Variants in TWIST2 observed in about 807,000 individuals in gnomAD.
TWIST2 encodes twist-related protein 2.
A neutral mutation model predicts 11.6 loss-of-function variants in TWIST2; 1 was observed. The ratio of observed to expected loss-of-function variants is 0.09; its 90% confidence interval spans 0.03 to 0.41. The LOEUF is 0.41. Among genes scored for constraint, TWIST2 ranks in the 10% least tolerant of loss-of-function variants. The pLI, the probability that TWIST2 is intolerant of heterozygous loss-of-function variation, is 0.98. For synonymous variants in TWIST2, 87 were observed against 96.6 expected (o/e 0.90, Z 0.58); for missense variants, 168 against 226.4 (o/e 0.74, Z 1.66).
chr2:238,905,934 C>T lies in TWIST2; in HGVS notation c.*36-3908C>T, dbSNP rs1426542961. Among the ~76,000 whole-genome samples the T allele has an allele frequency of 7.8e-3, 809 of 103,302 alleles. 10 individuals are homozygous for T. The highest frequency in any genetic ancestry group is 0.028 in the African/African-American group (750 of 26,904). 67.8% of individuals were successfully genotyped at this position (103,302 alleles called of 152,430 possible). On this transcript the variant is annotated intron_variant, in intron 1 of 1. Transcript: ENST00000612363. ...GTGTGCGTGCAGGTGTGCGTGTGCG[C>T]GTGTGTGTGCGCGCGCGTGTGTACG... is the stretch of plus-strand genomic sequence containing the variant.
At chr2:238,868,950 A>T (rs1428246604) in intron 1 of TWIST2, among the ~76,000 whole-genome samples, 1 of 152,194 alleles carries the variant, frequency 6.6e-6, no homozygotes, top group Admixed American at 6.5e-5. Flanking sequence ...TTCATCTCAG[A>T]GGGGTCAGTT....
chr2:238,904,171 G>A (rs1693312061), intron 1 of TWIST2, among the ~76,000 whole-genome samples: 1 of 142,512 alleles, frequency 7.0e-6, no homozygotes, highest in African/African-American at 2.6e-5. Context: ...TGTGTGTGAT[G>A]TGAGGTGTGT....
intron 1 of TWIST2, among the ~76,000 whole-genome samples, chr2:238,872,517 C>T (rs139366227): frequency 8.0e-4 from 122 of 152,240 alleles, no homozygotes; most frequent in African/African-American, 2.8e-3. Flanking sequence ...ACATTTTGGC[C>T]AACGCTGTGC....
Position 238,907,836 on chromosome 2 carries a change from A to C in TWIST2, c.*36-2006A>C, listed in dbSNP as rs1466710472. Among the ~76,000 whole-genome samples, 6 of 2,962 alleles carry C rather than the reference A, an allele frequency of 2.0e-3. No individual in the cohort carries two copies. In the East Asian group the frequency reaches 0.062, roughly 31 times the overall value. The allele number at this position is 2,962 out of a possible 152,430, so 1.9% of individuals were successfully genotyped here. On this transcript the variant is annotated intron_variant, in intron 1 of 1. Coordinates refer to ENST00000612363, the MANE Select transcript of TWIST2 (RefSeq NM_001271893.4). ...GCCACACAAATATACCACACACTAC[A>C]CACACACCCCCACACTGTACATACA...
At chr2:238,874,414 C>G (rs1018990887) in intron 1 of TWIST2, among the ~76,000 whole-genome samples, 1 of 152,124 alleles carries the variant, frequency 6.6e-6, no homozygotes, top group Admixed American at 6.5e-5. Context: ...TTACTTAAGG[C>G]TCTTCTTTTG....
chr2:238,883,913 T>C (rs1692985140), intron 1 of TWIST2, among the ~76,000 whole-genome samples: 1 of 152,160 alleles, frequency 6.6e-6, no homozygotes, highest in South Asian at 2.1e-4. Flanking sequence ...AGTCGCTGGG[T>C]GAAGCCGGAG....
chr2:238,900,717 G>C (rs1237554123), intron 1 of TWIST2, among the ~76,000 whole-genome samples: 1 of 152,164 alleles, frequency 6.6e-6, no homozygotes, highest in Admixed American at 6.5e-5. Context: ...GTCACTGAGT[G>C]GGGGTGGTGA....
chr2:238,860,171 T>C (rs1412565777), intron 1 of TWIST2, among the ~76,000 whole-genome samples: 1 of 152,116 alleles, frequency 6.6e-6, no homozygotes, highest in Non-Finnish European at 1.5e-5. Context: ...CCTCAAGGGG[T>C]TGGTGCCACC....
At chr2:238,862,603 A>G (rs1692454494) in intron 1 of TWIST2, among the ~76,000 whole-genome samples, 1 of 152,230 alleles carries the variant, frequency 6.6e-6, no homozygotes, top group African/African-American at 2.4e-5. Flanking sequence ...GCCAGAGGGA[A>G]GAAAAGCTGC....
chr2:238,864,512 G>T lies in TWIST2; in HGVS notation c.*35+15779G>T, dbSNP rs1374956182. Among the ~76,000 whole-genome samples, 8 of 151,784 alleles carry T rather than the reference G, an allele frequency of 5.3e-5. No homozygotes were observed. Among genetic ancestry groups the T allele is most frequent in the African/African-American group, 1.9e-4 (8 of 41,406 alleles). ...GGAGCAGAGTGCAGGGTTGGAGGCG[G>T]CTCCCAGTTCCAAGGCGCGCCCCAC... On this transcript the variant is annotated intron_variant, in intron 1 of 1. Coordinates refer to ENST00000612363, the MANE Select transcript of TWIST2 (RefSeq NM_001271893.4). This position sits in a 1 kb window ranked among gnomAD's most constrained non-coding sequence, Gnocchi z 4.7.
At chr2:238,861,457 C>T (rs1173065108) in intron 1 of TWIST2, among the ~76,000 whole-genome samples, 1 of 151,980 alleles carries the variant, frequency 6.6e-6, no homozygotes, top group Non-Finnish European at 1.5e-5. Context: ...AGAAAGGGCA[C>T]CTCCATCACT....
rs1254709762 is a variant in TWIST2, at chr2:238,867,250, A to G, written c.*35+18517A>G. 6.6e-6 allele frequency among the ~76,000 whole-genome samples: 1 copy of G among 151,804 alleles called. No homozygotes were observed. Among genetic ancestry groups the G allele is most frequent in the East Asian group, 1.9e-4 (1 of 5,156 alleles). On this transcript the variant is annotated intron_variant, in intron 1 of 1. Coordinates refer to ENST00000612363, the MANE Select transcript of TWIST2 (RefSeq NM_001271893.4). The surrounding 1 kb of genome is among the most constrained non-coding windows in gnomAD (Gnocchi z 4.8). The stretch of plus-strand genomic sequence containing the variant: ...GGGGTAGAGGTGGAGAAAGAGGGAG[A>G]GGGAGGCAGGGAGGGAGGGGGAAGC...
chr2:238,848,221 G>C lies in TWIST2; in HGVS notation c.6G>C (p.Glu2Asp). 1 of 1,390,158 alleles carries C rather than the reference G, an allele frequency of 7.2e-7. No homozygotes were observed. The highest frequency in any genetic ancestry group is 1.6e-5 in the South Asian group (1 of 62,522). 86.1% of individuals were successfully genotyped at this position (1,390,158 alleles called of 1,614,324 possible). A position where few individuals can be genotyped will look rare whatever the true frequency, so the allele number is the denominator to read the frequency against. Residue 2 changes from glutamate to aspartate, a missense_variant, in exon 1 of 2, where the codon GAG (glutamate) becomes GAC (aspartate). Physicochemically the swap from Glu to Asp is conservative, Grantham distance 45 (BLOSUM62 2). Around this residue, in one of 3 missense-constraint regions of TWIST2, gnomAD observed 83 missense variants for 92.7 expected, o/e 0.90. Transcript: ENST00000612363. ...ACGCGCGCCGGGCGGGCGCCATGGA[G>C]GAGGGCTCCAGCTCGCCCGTGTCCC... is the stretch of plus-strand genomic sequence containing the variant. The part of the protein sequence containing the change: M[E>D]EGSSSPVSPV...
At chr2:238,909,190 T>C in intron 1 of TWIST2, among the ~76,000 whole-genome samples, 1 of 78,840 alleles carries the variant, frequency 1.3e-5, no homozygotes, top group Non-Finnish European at 2.6e-5. Context: ...GTGTGGTATG[T>C]TTGGTGTGTG....
At chr2:238,904,679 C>G (rs1693320461) in intron 1 of TWIST2, among the ~76,000 whole-genome samples, 2 of 152,144 alleles carry the variant, frequency 1.3e-5, no homozygotes, top group South Asian at 4.1e-4. Flanking sequence ...ATGCTTCTGC[C>G]CTGCTAGATT....
intron 1 of TWIST2, among the ~76,000 whole-genome samples, chr2:238,888,761 A>G (rs1258087776): frequency 6.6e-6 from 1 of 152,210 alleles, no homozygotes; most frequent in Non-Finnish European, 1.5e-5. Context: ...CAGGATCCCT[A>G]GATCTTAGCT....
At chr2:238,848,836 G>T in intron 1 of TWIST2, 103 bp downstream of exon 1, 5 of 952,314 alleles carry the variant, frequency 5.3e-6, no homozygotes, top group Non-Finnish European at 6.8e-6. Context: ...AGGCCCCGCG[G>T]GCCGCGGGGG....
chr2:238,882,043 ACT>A (rs910914415), intron 1 of TWIST2, among the ~76,000 whole-genome samples: 4 of 134,328 alleles, frequency 3.0e-5, no homozygotes, highest in African/African-American at 5.6e-5. Context: ...TGTCTGCCTG[ACT>A]CTGTTTCTGT....
intron 1 of TWIST2, among the ~76,000 whole-genome samples, chr2:238,882,864 T>C (rs529871180): frequency 6.6e-6 from 1 of 152,292 alleles, no homozygotes; most frequent in African/African-American, 2.4e-5. Flanking sequence ...GTTGCTCTGC[T>C]GGAAGCTGGG....
Sources: allele counts gnomAD v4.1 joint callset (sites outside exome capture counted in the v4.1 genomes callset), GRCh38; gene constraint gnomAD v4.1.1; regional missense constraint gnomAD v4.1.1; non-coding constraint Gnocchi (gnomAD v3.1); transcripts MANE v1.5; gene names NCBI Gene and HGNC (gene_info 2026-07-23, HGNC 2026-07-21).